Variants in NIPBL observed in about 807,000 individuals in gnomAD.
The protein encoded by NIPBL is nipped-B-like protein.
NIPBL carries 19 observed loss-of-function variants against 321.8 expected under a neutral mutation model. The ratio of observed to expected loss-of-function variants is 0.06; its 90% CI spans 0.04 to 0.09. The LOEUF is 0.09. NIPBL is among the 10% of genes least tolerant of loss of function. The probability of loss-of-function intolerance (pLI) is 1.00; values close to 1 mark genes in which losing one functional copy is unlikely to be tolerated. For synonymous variants in NIPBL, 1,106 were observed against 1,114.1 expected (o/e 0.99, Z 0.14); for missense variants, 2,210 against 3,327.0 (o/e 0.66, Z 8.26).
At chr5:37,029,223 T>C (rs1750671810) in intron 32 of NIPBL, among the ~76,000 whole-genome samples, 1 of 152,194 alleles carries the variant, frequency 6.6e-6, no homozygotes, top group Non-Finnish European at 1.5e-5. Context: ...CACCCTAAAA[T>C]GCCTTTTTGC....
intron 1 of NIPBL, among the ~76,000 whole-genome samples, chr5:36,925,517 C>T (rs1417808218): frequency 6.6e-6 from 1 of 152,008 alleles, no homozygotes; most frequent in African/African-American, 2.4e-5. Flanking sequence ...CCATCCACCT[C>T]GGCCTCCCAA....
intron 14 of NIPBL, among the ~76,000 whole-genome samples, chr5:37,002,235 A>G (rs1317489689): frequency 6.6e-6 from 1 of 152,210 alleles, no homozygotes; most frequent in Non-Finnish European, 1.5e-5. Flanking sequence ...GGACAGAGCC[A>G]GCCTGAGGAG....
Position 37,000,389 on chromosome 5 carries a change from TAAA to T in NIPBL, c.3325_3327del (p.Lys1109del). The T allele has an allele frequency of 6.2e-7, 1 of 1,612,738 alleles. No individual in the cohort carries two copies. On this transcript the variant is annotated inframe_deletion, in exon 12 of 47. Coordinates refer to ENST00000282516, the MANE Select transcript of NIPBL (RefSeq NM_133433.4). ...TGCTTCTAGCCTCTAGGAAACGACA[TAAA>T]AAAGATGATGATAAAGCTTGGGAAT...
chr5:36,971,563 C>G (rs965973170), intron 7 of NIPBL, among the ~76,000 whole-genome samples: 1 of 151,744 alleles, frequency 6.6e-6, no homozygotes, highest in African/African-American at 2.4e-5. Context: ...GGAAATTTGC[C>G]TTGTTATTGA....
In NIPBL at chr5:37,059,029, G is replaced by A. The variant is rs189670249; in HGVS notation, c.7549G>A (p.Asp2517Asn). ...TTCAGATTCAGATTCAGATTCAGAA[G>A]ACGATATAAATTCAGTGATGAAATG... ...VDSDSDSDSE[D>N]DINSVMKCLP... The change falls in exon 44 of 47, where the codon GAC becomes AAC. Residue 2517 changes from aspartate to asparagine, a missense_variant. Coordinates refer to ENST00000282516, the MANE Select transcript of NIPBL (RefSeq NM_133433.4). 5 of 1,614,000 alleles carry A rather than the reference G, an allele frequency of 3.1e-6. No individual in the cohort carries two copies. The Admixed American group carries it at 8.3e-5, about 27-fold the overall frequency.
intron 1 of NIPBL, among the ~76,000 whole-genome samples, chr5:36,929,423 C>G (rs1302320559): frequency 6.6e-6 from 1 of 151,962 alleles, no homozygotes; most frequent in Non-Finnish European, 1.5e-5. Flanking sequence ...TCTTCTTGTT[C>G]ACTAGTGAGA....
At chr5:36,887,759 T>C (rs1746025150) in intron 1 of NIPBL, among the ~76,000 whole-genome samples, 1 of 152,184 alleles carries the variant, frequency 6.6e-6, no homozygotes, top group African/African-American at 2.4e-5. Flanking sequence ...ATCTCCAGAA[T>C]ATATTTCTCT....
At chr5:36,973,023 A>G (rs1004335427) in intron 8 of NIPBL, among the ~76,000 whole-genome samples, 2 of 152,174 alleles carry the variant, frequency 1.3e-5, no homozygotes. Context: ...ATGGTCTTCT[A>G]TCTGTAACAG....
At chr5:36,967,622 C>T (rs1261169395) in intron 6 of NIPBL, among the ~76,000 whole-genome samples, 1 of 152,166 alleles carries the variant, frequency 6.6e-6, no homozygotes, top group Admixed American at 6.6e-5. Flanking sequence ...TATGAACATT[C>T]ATGTCCTGTT....
chr5:37,041,945 C>T (rs768949904), intron 34 of NIPBL, among the ~76,000 whole-genome samples: 11 of 152,088 alleles, frequency 7.2e-5, no homozygotes, highest in Non-Finnish European at 1.3e-4. Flanking sequence ...TTCTTCTATC[C>T]CTAGACCCAC....
chr5:37,047,944 T>C (rs1349207074), intron 38 of NIPBL, among the ~76,000 whole-genome samples: 1 of 152,222 alleles, frequency 6.6e-6, no homozygotes, highest in Non-Finnish European at 1.5e-5. Context: ...GGAAGATATT[T>C]TTAGCTCTGG....
At chr5:36,915,096 A>T (rs1161926519) in intron 1 of NIPBL, among the ~76,000 whole-genome samples, 2 of 151,986 alleles carry the variant, frequency 1.3e-5, no homozygotes, top group East Asian at 1.9e-4. Flanking sequence ...TTTCTTGGGC[A>T]CTTAATTAGT....
rs979193614 is a variant in NIPBL at position 36,975,862 on chromosome 5, C to G, written c.955C>G (p.Pro319Ala). The G allele has an allele frequency of 6.2e-7, 1 of 1,611,872 alleles. No individual in the cohort carries two copies. The highest frequency in any genetic ancestry group is 1.7e-5 in the Admixed American group (1 of 59,608). The change falls in exon 9 of 47, where the codon CCA becomes GCA. Residue 319 changes from proline to alanine, a missense_variant. Around this residue, in one of 14 missense-constraint regions of NIPBL, gnomAD observed 464 missense variants for 529.5 expected, o/e 0.88. Coordinates refer to ENST00000282516, the MANE Select transcript of NIPBL (RefSeq NM_133433.4). ...DVPPDILLDS[P>A]ERKQKKQKKM... is the part of the protein sequence containing the mutation. ...TCCACCAGATATCTTGCTAGATTCT[C>G]CAGAAAGAAAACAAAAGAAGCAGAA... is the stretch of plus-strand genomic sequence containing the variant.
At chr5:36,941,974 G>A (rs989762014) in intron 1 of NIPBL, among the ~76,000 whole-genome samples, 1 of 151,842 alleles carries the variant, frequency 6.6e-6, no homozygotes, top group African/African-American at 2.4e-5. Context: ...GTAGTGCAGG[G>A]GTCCAGTGGA....
chr5:36,987,968 G>A (rs1006901917), intron 10 of NIPBL, among the ~76,000 whole-genome samples: 1 of 152,020 alleles, frequency 6.6e-6, no homozygotes, highest in African/African-American at 2.4e-5. Flanking sequence ...AAAGAGTATG[G>A]CTATACAATT....
chr5:36,940,067 A>G (rs1738891845), intron 1 of NIPBL, among the ~76,000 whole-genome samples: 1 of 152,144 alleles, frequency 6.6e-6, no homozygotes, highest in South Asian at 2.1e-4. Context: ...TTTACTTAGC[A>G]TTTAGATTTT....
intron 1 of NIPBL, among the ~76,000 whole-genome samples, chr5:36,919,245 TA>T (rs1748728389): frequency 6.6e-6 from 1 of 152,186 alleles, no homozygotes; most frequent in Non-Finnish European, 1.5e-5. Flanking sequence ...GGCATTTTAC[TA>T]CCAAAAGGTA....
At chr5:37,014,303 T>G (rs1172399831) in intron 21 of NIPBL, among the ~76,000 whole-genome samples, 1 of 152,100 alleles carries the variant, frequency 6.6e-6, no homozygotes, top group Admixed American at 6.5e-5. Flanking sequence ...CTTTGAATTT[T>G]TTTTTTTGAT....
At chr5:36,924,672 A>G (rs1306489597) in intron 1 of NIPBL, among the ~76,000 whole-genome samples, 2 of 152,206 alleles carry the variant, frequency 1.3e-5, no homozygotes, top group East Asian at 1.9e-4. Flanking sequence ...GATGATATGA[A>G]TGTAAAGCAG....
Sources: allele counts gnomAD v4.1 joint callset (sites outside exome capture counted in the v4.1 genomes callset), GRCh38; gene constraint gnomAD v4.1.1; regional missense constraint gnomAD v4.1.1; transcripts MANE v1.5; gene names NCBI Gene and HGNC (gene_info 2026-07-23, HGNC 2026-07-21).